INTS6: variants seen among roughly 807,000 people sequenced by gnomAD.
INTS6 encodes the protein integrator complex subunit 6.
A neutral mutation model predicts 104.9 loss-of-function variants in INTS6; 16 were observed. The observed-to-expected ratio is 0.15, with a 90% CI of 0.10 to 0.23. The LOEUF is 0.23. INTS6 is among the 10% of genes least tolerant of loss of function. INTS6 has a pLI of 1.00. For missense variants in INTS6, 584 were observed against 1,062.8 expected, an observed-to-expected ratio of 0.55 and a Z score of 6.26; for synonymous variants, 324 against 358.7, an observed-to-expected ratio of 0.90 and a Z score of 1.09.
At chr13:51,433,994 G>C (rs567191276) in intron 3 of INTS6, among the ~76,000 whole-genome samples, 88 of 152,308 alleles carry the variant, frequency 5.8e-4, no homozygotes, top group African/African-American at 1.8e-3. Flanking sequence ...ACCTTATTAA[G>C]CTATTCTAAT....
the INTS6 span, among the ~76,000 whole-genome samples, chr13:51,344,704 G>GCA: frequency 0.026 from 3,877 of 150,442 alleles, 63 homozygotes; most frequent in South Asian, 0.056. Flanking sequence ...ATACACATGG[G>GCA]CACACACACA....
At chr13:51,420,332 A>T (rs1593740213) in intron 4 of INTS6, among the ~76,000 whole-genome samples, 1 of 150,264 alleles carries the variant, frequency 6.7e-6, no homozygotes, top group African/African-American at 2.4e-5. Flanking sequence ...TAGGTGGTTC[A>T]TTTAAAAAAA....
intron 2 of INTS6, 122 bp from the exon 3 acceptor site, chr13:51,451,296 GTT>G: frequency 3.0e-6 from 2 of 663,794 alleles, no homozygotes; most frequent in Non-Finnish European, 2.3e-6. Flanking sequence ...TGGTTAACGT[GTT>G]AATACTGTAC....
intron 4 of INTS6, among the ~76,000 whole-genome samples, chr13:51,429,878 C>CTTCTTG (rs1428912028): frequency 1.3e-5 from 2 of 149,378 alleles, no homozygotes; most frequent in Non-Finnish European, 3.0e-5. Context: ...CTTAACACCT[C>CTTCTTG]TTCTTGGCTT....
chr13:51,396,605 C>A (rs1956342717), intron 4 of INTS6, among the ~76,000 whole-genome samples: 1 of 151,990 alleles, frequency 6.6e-6, no homozygotes, highest in South Asian at 2.1e-4. Flanking sequence ...ATAAAGGATT[C>A]TTACCAAAAA....
chr13:51,387,339 G>A (rs746797091), intron 7 of INTS6, 47 bp downstream of exon 7: 5 of 1,503,980 alleles, frequency 3.3e-6, no homozygotes, highest in Non-Finnish European at 4.5e-6. Flanking sequence ...TAATAGGAAA[G>A]ACAGCTGAAT....
At chr13:51,348,499 C>T in the INTS6 span, 1 of 1,065,318 alleles carries the variant, frequency 9.4e-7, no homozygotes, top group South Asian at 1.5e-5. Flanking sequence ...CCTCCAGGGT[C>T]TGTGCTTAGC....
rs1167566023 is a variant in INTS6 at position 51,374,203 on chromosome 13, C to A, written c.2104+5G>T. 5 of 1,605,364 alleles carry A rather than the reference C, an allele frequency of 3.1e-6. No individual in the cohort carries two copies. The East Asian group carries it at 8.9e-5, about 29-fold the overall frequency. ...AATAATGTTTAAGAAAAAAACAATT[C>A]TTACTTTTATGAAGAGGAAGAGGTT... On this transcript the variant is annotated splice_donor_5th_base_variant and intron_variant, in intron 15 of 17. Coordinates refer to ENST00000311234, the MANE Select transcript of INTS6 (RefSeq NM_012141.3).
chr13:51,446,300 T>A (rs1952916047), intron 3 of INTS6: 1 of 152,214 alleles, frequency 6.6e-6, no homozygotes, highest in African/African-American at 2.4e-5. Flanking sequence ...AACAAGCGTA[T>A]GTTGATGCTT....
intron 15 of INTS6, among the ~76,000 whole-genome samples, chr13:51,372,688 C>T (rs1301185024): frequency 6.6e-6 from 1 of 152,176 alleles, no homozygotes; most frequent in Admixed American, 6.5e-5. Context: ...CAGTGTCTCT[C>T]AAGACATACG....
chr13:51,336,208 T>C, the INTS6 span, among the ~76,000 whole-genome samples: 2 of 152,166 alleles, frequency 1.3e-5, no homozygotes, highest in African/African-American at 2.4e-5. Context: ...ATACTTCCAG[T>C]TGGATGCGGT....
chr13:51,362,902 T>C lies in INTS6; in HGVS notation c.*2850A>G, dbSNP rs1235854785. The stretch of plus-strand genomic sequence containing the variant: ...TTTGGGATTATTTGGAGAGAAAAAG[T>C]CCATCAACAGAGTATGTCTTCCTAG... On this transcript the variant is annotated 3_prime_UTR_variant, in exon 18 of 18. Transcript: ENST00000311234. 1 of 152,272 alleles carries C rather than the reference T, an allele frequency of 6.6e-6. No homozygotes were observed. 9.4% of individuals were successfully genotyped at this position (152,272 alleles called of 1,614,324 possible).
rs771070928 is a variant in INTS6 at position 51,452,384 on chromosome 13, G to A, written c.111+31C>T. The stretch of plus-strand genomic sequence containing the variant: ...CTGCCGCCCGCGGGCCGCCGGGCCG[G>A]GGTCGCCGCCCGGGCTCGGTCAGTC... On this transcript the variant is annotated intron_variant, in intron 1 of 17. Transcript: ENST00000311234. The surrounding 1 kb of genome is among the most constrained non-coding windows in gnomAD (Gnocchi z 4.2). 2.0e-6 allele frequency: 3 copies of A among 1,527,636 alleles called. No individual in the cohort carries two copies. The South Asian group carries it at 3.6e-5, about 18-fold the overall frequency. 94.6% of individuals were successfully genotyped at this position (1,527,636 alleles called of 1,614,324 possible). A position where few individuals can be genotyped will look rare whatever the true frequency, so the allele number is the denominator to read the frequency against.
chr13:51,430,271 C>T, intron 4 of INTS6, 23 bp downstream of exon 4: 1 of 1,588,400 alleles, frequency 6.3e-7, no homozygotes, highest in Non-Finnish European at 8.6e-7. Context: ...TTGCATAATC[C>T]ATGTAATATA....
the INTS6 span, among the ~76,000 whole-genome samples, chr13:51,338,922 A>G: frequency 2.2e-4 from 33 of 152,262 alleles, no homozygotes; most frequent in African/African-American, 7.7e-4. Flanking sequence ...GTAACCACAT[A>G]TAAGCTACCA....
At chr13:51,346,739 C>G in the INTS6 span, among the ~76,000 whole-genome samples, 525 of 152,294 alleles carry the variant, frequency 3.4e-3, 2 homozygotes, top group African/African-American at 0.012. Flanking sequence ...CTTAAAGACT[C>G]TAGGTCTAGG....
At chr13:51,388,463 C>T (rs1244894294) in intron 6 of INTS6, among the ~76,000 whole-genome samples, 1 of 151,634 alleles carries the variant, frequency 6.6e-6, no homozygotes, top group Non-Finnish European at 1.5e-5. Flanking sequence ...GTGTGATCTC[C>T]ACTCACCGCA....
In INTS6 at chr13:51,374,393, T is replaced by C. The variant is rs200354530; in HGVS notation, c.1919A>G (p.Asn640Ser). 1.2e-6 allele frequency: 2 copies of C among 1,614,118 alleles called. No individual in the cohort carries two copies. Among genetic ancestry groups the C allele is most frequent in the South Asian group, 2.2e-5 (2 of 91,082 alleles). ...EADEFVAGPQ[N>S]KHKRPGEPNM... ...TGGTTCTCCGGGTCGTTTATGTTTATTTTGAGGTCCAGCCACAAATTCATC... is the reference window on the plus strand; with the variant it reads ...TGGTTCTCCGGGTCGTTTATGTTTACTTTGAGGTCCAGCCACAAATTCATC... The change falls in exon 15 of 18, where the codon AAT becomes AGT. Residue 640 changes from asparagine (N) to serine (S), a missense_variant. Physicochemically the swap from Asn to Ser is conservative, Grantham distance 46. This residue lies in a region of INTS6 where 296 missense variants were observed against 437.0 expected (regional missense o/e 0.68). Coordinates refer to ENST00000311234, the MANE Select transcript of INTS6 (RefSeq NM_012141.3).
intron 15 of INTS6, among the ~76,000 whole-genome samples, chr13:51,371,358 T>C (rs540302938): frequency 6.6e-6 from 1 of 152,210 alleles, no homozygotes; most frequent in African/African-American, 2.4e-5. Flanking sequence ...CTACTGCTCC[T>C]TAACTCAGCC....
Sources: allele counts gnomAD v4.1 joint callset (sites outside exome capture counted in the v4.1 genomes callset), GRCh38; gene constraint gnomAD v4.1.1; regional missense constraint gnomAD v4.1.1; non-coding constraint Gnocchi (gnomAD v3.1); transcripts MANE v1.5; gene names NCBI Gene and HGNC (gene_info 2026-07-23, HGNC 2026-07-21).